PARD3B: variants seen among roughly 807,000 people sequenced by gnomAD.
PARD3B encodes partitioning defective 3 homolog B.
PARD3B carries 103 observed loss-of-function variants against 130.2 expected under a neutral mutation model. That is an observed-to-expected ratio of 0.79 (90% CI 0.67 to 0.93). PARD3B has a LOEUF of 0.93. PARD3B is among the 40% of genes least tolerant of loss of function. The pLI is 0.00. For missense variants in PARD3B, 1,609 were observed against 1,499.2 expected, an observed-to-expected ratio of 1.07 and a Z score of -1.21; for synonymous variants, 583 against 553.2, an observed-to-expected ratio of 1.05 and a Z score of -0.76.
At chr2:204,914,461 A>G (rs1409677346) in intron 2 of PARD3B, among the ~76,000 whole-genome samples, 2 of 152,176 alleles carry the variant, frequency 1.3e-5, no homozygotes, top group East Asian at 1.9e-4. Context: ...TGAGGGGGAA[A>G]GAGAGAAAGA....
chr2:205,038,930 C>T lies in PARD3B; in HGVS notation c.395-8651C>T, dbSNP rs908967732. On this transcript the variant is annotated intron_variant, in intron 3 of 22. Coordinates refer to ENST00000406610, the MANE Select transcript of PARD3B (RefSeq NM_001302769.2). ...GACTTAGTTTCCTTAGTGTGGTTTT[C>T]GCATCACAGTATCTGAAAGCATGTC... Among the ~76,000 whole-genome samples, 4 of 152,094 alleles carry T rather than the reference C, an allele frequency of 2.6e-5. No individual in the cohort carries two copies. The East Asian group carries it at 5.8e-4, about 22-fold the overall frequency.
At chr2:205,006,691 C>T (rs371285233) in intron 3 of PARD3B, among the ~76,000 whole-genome samples, 2 of 152,008 alleles carry the variant, frequency 1.3e-5, no homozygotes, top group East Asian at 1.9e-4. Context: ...TGTCTGAGTT[C>T]CTTGTAGATT....
rs1481789490 is a variant in PARD3B at position 205,288,188 on chromosome 2, T to C, written c.2186-12342T>C. 2.0e-5 allele frequency among the ~76,000 whole-genome samples: 3 copies of C among 152,204 alleles called. No homozygotes were observed. The East Asian group carries it at 5.8e-4, about 29-fold the overall frequency. ...GAGGAAGCCTAGGGGTAGCAGGCAG[T>C]GCCCCCTGTCCCGTCCACCCAGACA... On this transcript the variant is annotated intron_variant, in intron 16 of 22. Transcript: ENST00000406610. This position sits in a 1 kb window ranked among gnomAD's most constrained non-coding sequence, Gnocchi z 4.0.
intron 2 of PARD3B, among the ~76,000 whole-genome samples, chr2:204,933,215 A>C (rs1046559544): frequency 3.1e-4 from 47 of 152,196 alleles, no homozygotes; most frequent in Non-Finnish European, 5.9e-4. Context: ...AAATTACTTT[A>C]CAAGCTTTAG....
At position 204,546,112 on chromosome 2, in the gene PARD3B, G is replaced by A. The variant is rs751750420; in HGVS notation, c.113G>A (p.Arg38Gln). The A allele has an allele frequency of 3.9e-6, 6 of 1,555,050 alleles. No individual in the cohort carries two copies. The Admixed American group carries it at 5.8e-5, about 15-fold the overall frequency. The change falls in exon 1 of 23, where the codon CGG becomes CAG. Residue 38 changes from arginine (R) to glutamine (Q), a missense_variant. Physicochemically the swap from Arg to Gln is conservative, Grantham distance 43. Transcript: ENST00000406610. The stretch of plus-strand genomic sequence containing the variant: ...GCGCTGCAGCGGTACCTGAAGACCC[G>A]GGAGAAGGTGAGCGCGGCGCGGAGG... The part of the protein sequence containing the change: ...QQALQRYLKT[R>Q]EKGPGYWVKI...
intron 11 of PARD3B, among the ~76,000 whole-genome samples, chr2:205,170,599 TTGGCTC>T (rs1447166818): frequency 6.6e-6 from 1 of 152,126 alleles, no homozygotes; most frequent in African/African-American, 2.4e-5. Context: ...CACCAGGGCA[TTGGCTC>T]TGGGGAACAG....
Position 204,919,324 on chromosome 2 carries a change from G to A in PARD3B, c.223-45828G>A, listed in dbSNP as rs1419945274. Among the ~76,000 whole-genome samples the A allele has an allele frequency of 1.4e-4, 22 of 152,136 alleles. 1 individual carries two copies. The highest frequency in any genetic ancestry group is 1.4e-3 in the Admixed American group (21 of 15,278). On this transcript the variant is annotated intron_variant, in intron 2 of 22. Coordinates refer to ENST00000406610, the MANE Select transcript of PARD3B (RefSeq NM_001302769.2). ...CTTTTGATGAGTTTTGACAATGTAT[G>A]TATCTGTGTCATGTAAACTCCTATC... is the stretch of plus-strand genomic sequence containing the variant.
intron 10 of PARD3B, among the ~76,000 whole-genome samples, chr2:205,144,386 T>G: frequency 6.6e-6 from 1 of 152,216 alleles, no homozygotes; most frequent in East Asian, 1.9e-4. Flanking sequence ...GGGGATGATT[T>G]GTTATGCAGC....
chr2:205,119,953 A>G (rs2030468854), intron 7 of PARD3B, among the ~76,000 whole-genome samples: 1 of 152,060 alleles, frequency 6.6e-6, no homozygotes, highest in South Asian at 2.1e-4. Flanking sequence ...AGGACTAAGT[A>G]CTAATAATCC....
intron 19 of PARD3B, among the ~76,000 whole-genome samples, chr2:205,414,637 G>A (rs2046712798): frequency 6.6e-6 from 1 of 151,986 alleles, no homozygotes; most frequent in Admixed American, 6.6e-5. Context: ...TGAAATAATA[G>A]TGGACTCTAT....
rs5837964 is a variant in PARD3B at position 205,284,993 on chromosome 2, GT to G, written c.2186-15522del. On this transcript the variant is annotated intron_variant, in intron 16 of 22. Coordinates refer to ENST00000406610, the MANE Select transcript of PARD3B (RefSeq NM_001302769.2). ...TTGATTTTAAAATAAGCACAAAACA[GT>G]TTTTTTTTTTTTTTGTGGGAGTATT... Among the ~76,000 whole-genome samples, 1,119 of 143,786 alleles carry G rather than the reference GT, an allele frequency of 7.8e-3. 8 individuals are homozygous for G. The highest frequency in any genetic ancestry group is 0.018 in the African/African-American group (722 of 39,168). The allele number at this position is 143,786 out of a possible 152,430, so 94.3% of individuals were successfully genotyped here. A position where few individuals can be genotyped will look rare whatever the true frequency, so the allele number is the denominator to read the frequency against.
chr2:205,614,937 C>G (rs2055369133), intron 22 of PARD3B, among the ~76,000 whole-genome samples: 1 of 152,118 alleles, frequency 6.6e-6, no homozygotes, highest in Admixed American at 6.5e-5. Context: ...CTGAACATTT[C>G]TATCACCATG....
At chr2:205,368,567 G>A (rs1047268282) in intron 18 of PARD3B, among the ~76,000 whole-genome samples, 2 of 152,212 alleles carry the variant, frequency 1.3e-5, no homozygotes, top group Non-Finnish European at 2.9e-5. Context: ...AGGAGGCAGC[G>A]TTTGCAGTGA....
intron 19 of PARD3B, among the ~76,000 whole-genome samples, chr2:205,422,849 G>GGCTTAGTTTAGGTCTGTTGGT (rs60470327): frequency 6.6e-6 from 1 of 152,084 alleles, no homozygotes; most frequent in African/African-American, 2.4e-5. Context: ...GAAAAGAATA[G>GGCTTAGTTTAGGTCTGTTGGT]CTTGGTGAAG....
intron 2 of PARD3B, among the ~76,000 whole-genome samples, chr2:204,950,692 C>T (rs1689696978): frequency 6.6e-6 from 1 of 152,146 alleles, no homozygotes; most frequent in South Asian, 2.1e-4. Flanking sequence ...TCTGCATTTA[C>T]CTTTGACTTA....
intron 22 of PARD3B, among the ~76,000 whole-genome samples, chr2:205,559,759 C>T (rs892509748): frequency 4.0e-5 from 6 of 151,884 alleles, no homozygotes; most frequent in South Asian, 2.1e-4. Flanking sequence ...CCACCATGCC[C>T]GGCTAATTTT....
At chr2:204,930,728 T>C (rs1687969133) in intron 2 of PARD3B, among the ~76,000 whole-genome samples, 1 of 152,086 alleles carries the variant, frequency 6.6e-6, no homozygotes, top group Non-Finnish European at 1.5e-5. Flanking sequence ...ACTATATTCA[T>C]CTTTTTCTGA....
intron 18 of PARD3B, among the ~76,000 whole-genome samples, chr2:205,337,610 T>G (rs886335457): frequency 6.6e-6 from 1 of 152,220 alleles, no homozygotes; most frequent in African/African-American, 2.4e-5. Flanking sequence ...TAAAGGTCCT[T>G]TTGGTTTGCA....
chr2:205,108,751 T>C (rs1703415129), intron 5 of PARD3B, among the ~76,000 whole-genome samples: 1 of 152,176 alleles, frequency 6.6e-6, no homozygotes, highest in African/African-American at 2.4e-5. Context: ...AACTGCACCT[T>C]GGTTAGGCAG....
Sources: allele counts gnomAD v4.1 joint callset (sites outside exome capture counted in the v4.1 genomes callset), GRCh38; gene constraint gnomAD v4.1.1; non-coding constraint Gnocchi (gnomAD v3.1); transcripts MANE v1.5; gene names NCBI Gene and HGNC (gene_info 2026-07-23, HGNC 2026-07-21).